PPP2R3C: variants seen among roughly 807,000 people sequenced by gnomAD.
PPP2R3C encodes serine/threonine-protein phosphatase 2A regulatory subunit B'' subunit gamma.
A neutral mutation model predicts 63.7 loss-of-function variants in PPP2R3C; 47 were observed. That is an observed-to-expected ratio of 0.74 (90% CI 0.58 to 0.94). PPP2R3C has a LOEUF of 0.94. PPP2R3C is among the 40% of genes least tolerant of loss of function. The pLI is 0.00. For missense variants in PPP2R3C, 421 were observed against 518.4 expected (o/e 0.81, Z 1.82); for synonymous variants, 180 against 177.4 (o/e 1.01, Z -0.12).
Position 35,085,605 on chromosome 14 carries a change from G to T in PPP2R3C, c.1347C>A (p.Asp449Glu), listed in dbSNP as rs183093620. Residue 449 changes from aspartate to glutamate, a missense_variant, in exon 13 of 13, where the codon GAC (aspartate) becomes GAA (glutamate). Physicochemically the swap from Asp to Glu is conservative, Grantham distance 45. Coordinates refer to ENST00000261475, the MANE Select transcript of PPP2R3C (RefSeq NM_017917.4). ...CTTTCAGAGATCATGTATCATCAAG[G>T]TCTGCAGAGTTTTCACTGTCATTTG... ...LVANDSENSA[D>E]LDDT 1.9e-5 allele frequency: 31 copies of T among 1,609,504 alleles called. No individual in the cohort carries two copies. In the East Asian group the frequency reaches 6.7e-4, roughly 35 times the overall value.
At chr14:35,114,488 ATTG>A (rs2046651870) in intron 2 of PPP2R3C, among the ~76,000 whole-genome samples, 1 of 152,218 alleles carries the variant, frequency 6.6e-6, no homozygotes, top group Non-Finnish European at 1.5e-5. Context: ...CAGCTAAATC[ATTG>A]TTTACTATAC....
intron 6 of PPP2R3C, 124 bp from the exon 7 acceptor site, chr14:35,099,508 T>C: frequency 1.7e-6 from 2 of 1,198,496 alleles, no homozygotes; most frequent in Non-Finnish European, 2.2e-6. Context: ...CATGACTATT[T>C]TAGTGGTAAA....
chr14:35,086,754 T>A (rs1008650440), intron 12 of PPP2R3C: 1 of 152,536 alleles, frequency 6.6e-6, no homozygotes, highest in Non-Finnish European at 1.5e-5. Context: ...TGCCTTGGCC[T>A]CCCAAAGTGC....
chr14:35,109,205 C>T (rs1377771503), intron 4 of PPP2R3C, among the ~76,000 whole-genome samples: 5 of 151,616 alleles, frequency 3.3e-5, no homozygotes, highest in South Asian at 4.2e-4. Flanking sequence ...TACAGGCACA[C>T]GCCACCACGC....
At chr14:35,103,020 A>T (rs1170273601) in intron 6 of PPP2R3C, among the ~76,000 whole-genome samples, 1 of 152,108 alleles carries the variant, frequency 6.6e-6, no homozygotes, top group African/African-American at 2.4e-5. Context: ...TCGGCCTCCC[A>T]AAGTTGCTGG....
intron 1 of PPP2R3C, among the ~76,000 whole-genome samples, chr14:35,119,970 G>A (rs945775741): frequency 1.4e-5 from 2 of 146,648 alleles, no homozygotes; most frequent in Non-Finnish European, 3.0e-5. Flanking sequence ...TCCTGCCTCA[G>A]CCTCCTGAGT....
At chr14:35,103,387 C>T (rs1022099890) in intron 6 of PPP2R3C, among the ~76,000 whole-genome samples, 3 of 152,176 alleles carry the variant, frequency 2.0e-5, no homozygotes, top group African/African-American at 7.2e-5. Flanking sequence ...CTTTCTCGTA[C>T]TTCATGGCTA....
chr14:35,098,422 G>A (rs556260145), intron 7 of PPP2R3C, among the ~76,000 whole-genome samples: 2 of 141,114 alleles, frequency 1.4e-5, no homozygotes, highest in South Asian at 2.3e-4. Context: ...ACGCGATCTC[G>A]GCTCACCTCT....
At position 35,096,733 on chromosome 14, in the gene PPP2R3C, G is replaced by A; in HGVS notation, c.738C>T (p.Cys246=). Residue 246 remains cysteine, a synonymous_variant, in exon 8 of 13, where the codon TGC becomes TGT. Transcript: ENST00000261475. ...CCTCCAATAAATCATCTAGGAAGCT[G>A]CATGCTAAAATATCTTGAATTTTTA... ...GKIKIQDILA[C]SFLDDLLELR... 3 of 1,594,238 alleles carry A rather than the reference G, an allele frequency of 1.9e-6. No homozygotes were observed. The highest frequency in any genetic ancestry group is 2.6e-6 in the Non-Finnish European group (3 of 1,169,350).
intron 1 of PPP2R3C, among the ~76,000 whole-genome samples, chr14:35,120,246 C>T (rs182588136): frequency 6.8e-6 from 1 of 147,394 alleles, no homozygotes; most frequent in East Asian, 2.1e-4. Flanking sequence ...CCTCTGACTG[C>T]TTCTCCTTTT....
At chr14:35,091,907 G>C (rs1267580598) in intron 10 of PPP2R3C, among the ~76,000 whole-genome samples, 1 of 150,560 alleles carries the variant, frequency 6.6e-6, no homozygotes, top group Non-Finnish European at 1.5e-5. Flanking sequence ...TTTTAGTAGA[G>C]ACAGGATTTT....
upstream of PPP2R3C, chr14:35,122,045 C>G: frequency 6.7e-7 from 1 of 1,500,550 alleles, no homozygotes; most frequent in Non-Finnish European, 9.3e-7. Context: ...CCGCCAGGCC[C>G]CGTAAAGGTT....
intron 7 of PPP2R3C, 86 bp downstream of exon 7, chr14:35,099,166 T>G: frequency 7.2e-7 from 1 of 1,379,726 alleles, no homozygotes; most frequent in Non-Finnish European, 9.5e-7. Context: ...AAATAAATGA[T>G]ATTTTTCAAG....
chr14:35,108,836 C>G (rs1334616533), intron 4 of PPP2R3C, among the ~76,000 whole-genome samples: 5 of 151,920 alleles, frequency 3.3e-5, no homozygotes, highest in Non-Finnish European at 7.4e-5. Flanking sequence ...TCTCGAACTC[C>G]TGGCCTCAAG....
upstream of PPP2R3C, chr14:35,122,281 G>A (rs1284401122): frequency 1.4e-5 from 5 of 346,546 alleles, no homozygotes; most frequent in Non-Finnish European, 2.8e-5. Flanking sequence ...TGCCTTTGGC[G>A]CGTGCGCACC....
At chr14:35,111,034 C>T (rs1032535822) in intron 2 of PPP2R3C, among the ~76,000 whole-genome samples, 8 of 151,756 alleles carry the variant, frequency 5.3e-5, no homozygotes, top group African/African-American at 7.3e-5. Flanking sequence ...GTCAAGAGAT[C>T]GACCATCCTG....
At chr14:35,097,859 ACCTCAGCCT>A (rs2046049474) in intron 7 of PPP2R3C, among the ~76,000 whole-genome samples, 1 of 151,510 alleles carries the variant, frequency 6.6e-6, no homozygotes, top group Non-Finnish European at 1.5e-5. Flanking sequence ...GTGATTTCTC[ACCTCAGCCT>A]CCCAAAGTGC....
chr14:35,103,819 ATACTC>A (rs1260554473), intron 6 of PPP2R3C, among the ~76,000 whole-genome samples: 1 of 152,226 alleles, frequency 6.6e-6, no homozygotes, highest in Non-Finnish European at 1.5e-5. Flanking sequence ...AAAACTTTGT[ATACTC>A]TACTCAGATT....
chr14:35,098,358 T>TC lies in PPP2R3C; in HGVS notation c.706+893_706+894insG, dbSNP rs1410083984. ...CTACGCCTGGCTAGTTTTTTTTTTT[T>TC]TTTTTTTTTTTGAGACGGAATTTCC... On this transcript the variant is annotated intron_variant, in intron 7 of 12. Transcript: ENST00000261475. Among the ~76,000 whole-genome samples the TC allele has an allele frequency of 5.7e-3, 844 of 148,022 alleles. 10 individuals are homozygous for TC. Among genetic ancestry groups the TC allele is most frequent in the African/African-American group, 0.02 (820 of 40,300 alleles).
Sources: gnomAD v4.1 joint callset for allele counts (sites outside exome capture counted in the v4.1 genomes callset) on GRCh38, gnomAD v4.1.1 for gene constraint, MANE v1.5 for transcripts, NCBI Gene and HGNC (gene_info 2026-07-23, HGNC 2026-07-21) for gene names.